Variants in MSRA observed in about 807,000 individuals in gnomAD.
MSRA encodes the protein mitochondrial peptide methionine sulfoxide reductase.
Under a neutral mutation model 31.3 loss-of-function variants are expected in MSRA, and 54 were observed. The observed-to-expected ratio is 1.73, with a 90% CI of 1.39 to 2.17. MSRA has a LOEUF of 2.17. Among genes scored for constraint, MSRA ranks in the 30% most tolerant of loss-of-function variants. The pLI, the probability that MSRA is intolerant of heterozygous loss-of-function variation, is 0.00. For synonymous variants in MSRA, 169 were observed against 116.5 expected, an observed-to-expected ratio of 1.45 and a Z score of -2.90; for missense variants, 507 against 300.9, an observed-to-expected ratio of 1.69 and a Z score of -5.07.
At chr8:10,341,096 C>T (rs1803399252) in intron 5 of MSRA, among the ~76,000 whole-genome samples, 1 of 152,104 alleles carries the variant, frequency 6.6e-6, no homozygotes, top group African/African-American at 2.4e-5. Flanking sequence ...GAATTAGGGT[C>T]CTTAGGGGTG....
At chr8:10,130,465 TC>T (rs1234448041) in intron 1 of MSRA, among the ~76,000 whole-genome samples, 1 of 152,226 alleles carries the variant, frequency 6.6e-6, no homozygotes, top group Non-Finnish European at 1.5e-5. Flanking sequence ...ATCATTGTTC[TC>T]TTTCTGTTGG....
intron 4 of MSRA, among the ~76,000 whole-genome samples, chr8:10,311,228 C>A (rs1037822917): frequency 6.6e-6 from 1 of 152,160 alleles, no homozygotes; most frequent in Non-Finnish European, 1.5e-5. Flanking sequence ...GAATAAAATA[C>A]AACTATATAT....
At chr8:10,283,824 T>TACACAC (rs1259643918) in intron 3 of MSRA, among the ~76,000 whole-genome samples, 20 of 69,000 alleles carry the variant, frequency 2.9e-4, no homozygotes, top group Admixed American at 1.9e-3. Flanking sequence ...TATATATATA[T>TACACAC]ATATATATAT....
intron 1 of MSRA, among the ~76,000 whole-genome samples, chr8:10,166,079 G>A (rs182799121): frequency 5.9e-5 from 9 of 152,204 alleles, no homozygotes; most frequent in Admixed American, 2.0e-4. Context: ...AATGAAACCC[G>A]GGGCTGGTAA....
chr8:10,310,222 A>T (rs1801361643), intron 4 of MSRA, among the ~76,000 whole-genome samples: 1 of 152,202 alleles, frequency 6.6e-6, no homozygotes, highest in Non-Finnish European at 1.5e-5. Context: ...GCAGACTCGG[A>T]TTGGAAGAAC....
chr8:10,424,902 C>G (rs1047383872), intron 5 of MSRA, among the ~76,000 whole-genome samples: 1 of 152,218 alleles, frequency 6.6e-6, no homozygotes, highest in African/African-American at 2.4e-5. Flanking sequence ...GCGGGGCCCA[C>G]CCCGGGGGAC....
At chr8:10,103,696 G>GTT (rs1165831054) in intron 1 of MSRA, among the ~76,000 whole-genome samples, 1 of 151,894 alleles carries the variant, frequency 6.6e-6, no homozygotes, top group African/African-American at 2.4e-5. Context: ...CCAATAGACT[G>GTT]TTTTATATAT....
intron 1 of MSRA, among the ~76,000 whole-genome samples, chr8:10,121,523 G>C (rs978383130): frequency 5.9e-5 from 9 of 152,228 alleles, no homozygotes; most frequent in Non-Finnish European, 1.3e-4. Flanking sequence ...AAGGGGAAAC[G>C]AGAGTTGAGT....
chr8:10,387,719 TG>T (rs754210943), intron 5 of MSRA, among the ~76,000 whole-genome samples: 2 of 152,250 alleles, frequency 1.3e-5, no homozygotes, highest in Admixed American at 6.5e-5. Context: ...AAAGCCTGTC[TG>T]GGCATGGTGA....
chr8:10,242,844 C>G (rs1797407224), intron 2 of MSRA, among the ~76,000 whole-genome samples: 1 of 152,124 alleles, frequency 6.6e-6, no homozygotes, highest in African/African-American at 2.4e-5. Flanking sequence ...AACCTGTGTC[C>G]TAAGTCACAT....
chr8:10,161,091 T>C (rs1435897208), intron 1 of MSRA, among the ~76,000 whole-genome samples: 1 of 152,232 alleles, frequency 6.6e-6, no homozygotes, highest in East Asian at 1.9e-4. Flanking sequence ...CACAATATTA[T>C]CAAGCTTCCA....
chr8:10,363,647 G>A (rs1205488084), intron 5 of MSRA, among the ~76,000 whole-genome samples: 3 of 151,648 alleles, frequency 2.0e-5, no homozygotes, highest in African/African-American at 4.8e-5. Context: ...GGTCCTAAAT[G>A]TTTACTGAAA....
intron 1 of MSRA, among the ~76,000 whole-genome samples, chr8:10,072,671 G>A (rs1319297114): frequency 6.6e-6 from 1 of 152,170 alleles, no homozygotes; most frequent in African/African-American, 2.4e-5. Context: ...ATTTTGATAG[G>A]AATTGCATTT....
chr8:10,200,655 C>T (rs1808412095), intron 1 of MSRA, among the ~76,000 whole-genome samples: 1 of 152,142 alleles, frequency 6.6e-6, no homozygotes, highest in Non-Finnish European at 1.5e-5. Context: ...CACCCAGCAC[C>T]ATGTTTGTCC....
intron 5 of MSRA, among the ~76,000 whole-genome samples, chr8:10,415,443 AC>A: frequency 6.6e-6 from 1 of 152,272 alleles, no homozygotes; most frequent in East Asian, 1.9e-4. Context: ...GCCTGGGTTC[AC>A]GTGGTTCCTT....
intron 1 of MSRA, among the ~76,000 whole-genome samples, chr8:10,187,618 G>T (rs1807163339): frequency 6.6e-6 from 1 of 152,216 alleles, no homozygotes; most frequent in African/African-American, 2.4e-5. Context: ...CCACTGTAAT[G>T]ACAAGGCATG....
At chr8:10,353,425 G>A (rs1210328317) in intron 5 of MSRA, among the ~76,000 whole-genome samples, 1 of 152,184 alleles carries the variant, frequency 6.6e-6, no homozygotes, top group East Asian at 1.9e-4. Context: ...GGGAGGGTCT[G>A]GGAGTCTCCT....
chr8:10,341,225 G>A (rs189848568), intron 5 of MSRA, among the ~76,000 whole-genome samples: 2 of 152,344 alleles, frequency 1.3e-5, no homozygotes, highest in East Asian at 3.9e-4. Flanking sequence ...TGATTCTGCA[G>A]GCTTTACAGG....
chr8:10,344,792 G>A (rs1247562965), intron 5 of MSRA, among the ~76,000 whole-genome samples: 1 of 152,076 alleles, frequency 6.6e-6, no homozygotes, highest in Admixed American at 6.5e-5. Context: ...CAAGACCTCA[G>A]GTTCACTCTT....
Sources: allele counts gnomAD v4.1 joint callset (sites outside exome capture counted in the v4.1 genomes callset), GRCh38; gene constraint gnomAD v4.1.1; transcripts MANE v1.5; gene names NCBI Gene and HGNC (gene_info 2026-07-23, HGNC 2026-07-21).